Variants in CCNF observed in about 807,000 individuals in gnomAD.
CCNF encodes cyclin-F.
CCNF carries 30 observed loss-of-function variants against 85.4 expected under a neutral mutation model. The ratio of observed to expected loss-of-function variants is 0.35; its 90% confidence interval spans 0.26 to 0.48. The LOEUF is 0.48. Among genes scored for constraint, CCNF ranks in the 20% least tolerant of loss-of-function variants. The pLI, the probability that CCNF is intolerant of heterozygous loss-of-function variation, is 0.99. For synonymous variants in CCNF, 439 were observed against 425.1 expected, an observed-to-expected ratio of 1.03 and a Z score of -0.40; for missense variants, 919 against 1,010.4, an observed-to-expected ratio of 0.91 and a Z score of 1.23.
chr16:2,445,662 GCC>G, intron 10 of CCNF, 40 bp downstream of exon 10: 1 of 1,590,852 alleles, frequency 6.3e-7, no homozygotes, highest in Non-Finnish European at 8.5e-7. Context: ...GGACGTGCTG[GCC>G]TTTCCCGGGT....
chr16:2,453,612 C>G lies in CCNF; in HGVS notation c.1715+75C>G. The G allele has an allele frequency of 6.3e-7, 1 of 1,584,832 alleles. No individual in the cohort carries two copies. Among genetic ancestry groups the G allele is most frequent in the Non-Finnish European group, 8.6e-7 (1 of 1,161,364 alleles). ...GCCGGCCCAGTTCCCTCAGCGCTTC[C>G]TCACACAGAGAGGCCCCCAAGGCTT... On this transcript the variant is annotated intron_variant, in intron 15 of 16. Transcript: ENST00000397066. This position sits in a 1 kb window ranked among gnomAD's most constrained non-coding sequence, Gnocchi z 5.6.
chr16:2,432,270 T>C (rs1398835095), intron 2 of CCNF, among the ~76,000 whole-genome samples: 1 of 152,176 alleles, frequency 6.6e-6, no homozygotes, highest in African/African-American at 2.4e-5. Flanking sequence ...TTTCTAGATA[T>C]TGGAACCATA....
intron 9 of CCNF, among the ~76,000 whole-genome samples, chr16:2,444,847 C>G (rs1415722061): frequency 6.6e-6 from 1 of 151,790 alleles, no homozygotes; most frequent in Non-Finnish European, 1.5e-5. Flanking sequence ...ACCTCCTGCC[C>G]CAGCCTCCCA....
At position 2,456,426 on chromosome 16, in the gene CCNF, CAG is replaced by C. The variant is rs147276022; in HGVS notation, c.1886-118_1886-117del. ...CGCTTCTCACCACAGGAGGGTAACA[CAG>C]GGGACCGTAGCAAGGTAGAAGATTC... On this transcript the variant is annotated intron_variant, in intron 16 of 16. Coordinates refer to ENST00000397066, the MANE Select transcript of CCNF (RefSeq NM_001761.3). This position sits in a 1 kb window ranked among gnomAD's most constrained non-coding sequence, Gnocchi z 4.5. 726 of 656,344 alleles carry C rather than the reference CAG, an allele frequency of 1.1e-3. 7 individuals are homozygous for C. The highest frequency in any genetic ancestry group is 0.011 in the African/African-American group (600 of 55,100). The allele number at this position is 656,344 out of a possible 1,614,324, so 40.7% of individuals were successfully genotyped here. A position where few individuals can be genotyped will look rare whatever the true frequency, so the allele number is the denominator to read the frequency against.
In CCNF at chr16:2,453,269, G is replaced by A. The variant is rs747695958; in HGVS notation, c.1547G>A (p.Arg516Gln). The change falls in exon 14 of 17, where the codon CGG becomes CAG. Residue 516 changes from arginine to glutamine, a missense_variant. Physicochemically the swap from Arg to Gln is conservative, Grantham distance 43. Transcript: ENST00000397066. The surrounding 1 kb of genome is among the most constrained non-coding windows in gnomAD (Gnocchi z 5.6). ...GTCTCTCTGACCGCCGTGAAGCAGCGGTTTGAGGACAAGCGCTATGGAGAA... is the reference window on the plus strand; with the variant it reads ...GTCTCTCTGACCGCCGTGAAGCAGCAGTTTGAGGACAAGCGCTATGGAGAA... ...RQVSLTAVKQRFEDKRYGEIS... is the reference protein window; with the variant it reads ...RQVSLTAVKQQFEDKRYGEIS... 2.5e-6 allele frequency: 4 copies of A among 1,613,934 alleles called. No individual in the cohort carries two copies. The highest frequency in any genetic ancestry group is 1.1e-5 in the South Asian group (1 of 91,086).
In CCNF at chr16:2,441,965, A is replaced by G. The variant is rs1233838569; in HGVS notation, c.778-1684A>G. Reference sequence around the variant, plus strand: ...TATATATATATATATATATATATATATATATATATATATATATGTTTTTGT... The same window carrying G: ...TATATATATATATATATATATATATGTATATATATATATATATGTTTTTGT... On this transcript the variant is annotated intron_variant, in intron 8 of 16. Coordinates refer to ENST00000397066, the MANE Select transcript of CCNF (RefSeq NM_001761.3). Among the ~76,000 whole-genome samples, 177 of 111,748 alleles carry G rather than the reference A, an allele frequency of 1.6e-3. 1 individual carries two copies. The highest frequency in any genetic ancestry group is 5.0e-3 in the African/African-American group (153 of 30,340). 73.3% of individuals were successfully genotyped at this position (111,748 alleles called of 152,430 possible). A position where few individuals can be genotyped will look rare whatever the true frequency, so the allele number is the denominator to read the frequency against.
chr16:2,449,766 C>T (rs972790321), intron 12 of CCNF, 62 bp from the exon 13 acceptor site: 4 of 859,918 alleles, frequency 4.7e-6, no homozygotes, highest in Non-Finnish European at 7.8e-6. Flanking sequence ...ACAGCCCCTC[C>T]GTCCCCTCCA....
rs748529790 is a variant in CCNF at position 2,445,667 on chromosome 16, T to C, written c.1094+45T>C. The C allele has an allele frequency of 9.5e-6, 15 of 1,582,340 alleles. No individual in the cohort carries two copies. In the African/African-American group the frequency reaches 1.9e-4, roughly 20 times the overall value. ...CAGCTGGCAGGGACGTGCTGGCCTT[T>C]CCCGGGTTCAGGGTCACCTGCCCTT... On this transcript the variant is annotated intron_variant, in intron 10 of 16. Transcript: ENST00000397066.
In CCNF at chr16:2,439,773, C is replaced by CA. The variant is rs745923617; in HGVS notation, c.725dup (p.His242GlnfsTer40). 6.2e-7 allele frequency: 1 copy of CA among 1,614,158 alleles called. No homozygotes were observed. The highest frequency in any genetic ancestry group is 1.1e-5 in the South Asian group (1 of 91,082). On this transcript the variant is annotated frameshift_variant, in exon 8 of 17. Coordinates refer to ENST00000397066, the MANE Select transcript of CCNF (RefSeq NM_001761.3). LOFTEE classifies it high-confidence loss of function. ...GGTGTCAGATCCTGGGCGATGCCTCCACAGCTTCCGAAAACTCAGGGACTA... is the reference window on the plus strand; with the variant it reads ...GGTGTCAGATCCTGGGCGATGCCTCCAACAGCTTCCGAAAACTCAGGGACTA...
Position 2,437,334 on chromosome 16 carries a change from C to A in CCNF, c.540+12C>A. On this transcript the variant is annotated intron_variant, in intron 5 of 16. Transcript: ENST00000397066. Reference sequence around the variant, plus strand: ...GCCAGCTGCAGAGGGTGAGTCTGGGCGAGGGGCAGCACCTGCGAGGCCACC... The same window carrying A: ...GCCAGCTGCAGAGGGTGAGTCTGGGAGAGGGGCAGCACCTGCGAGGCCACC... The A allele has an allele frequency of 6.4e-7, 1 of 1,564,872 alleles. No homozygotes were observed. The highest frequency in any genetic ancestry group is 8.7e-7 in the Non-Finnish European group (1 of 1,154,878).
intron 15 of CCNF, among the ~76,000 whole-genome samples, chr16:2,454,160 T>C (rs1234155412): frequency 6.6e-6 from 1 of 152,126 alleles, no homozygotes; most frequent in Non-Finnish European, 1.5e-5. Context: ...GGCTGGGTCT[T>C]TCCTGTCAAT....
intron 7 of CCNF, 112 bp downstream of exon 7, chr16:2,439,569 C>G: frequency 1.1e-6 from 1 of 938,606 alleles, no homozygotes. Flanking sequence ...TTGCTGCTCC[C>G]GGTCTCTCAG....
chr16:2,432,215 A>C (rs1032656360), intron 2 of CCNF, among the ~76,000 whole-genome samples: 1 of 152,244 alleles, frequency 6.6e-6, no homozygotes, highest in Non-Finnish European at 1.5e-5. Flanking sequence ...TCTTGAGGAC[A>C]AATTCCATGT....
chr16:2,442,749 A>T (rs1239592849), intron 8 of CCNF, among the ~76,000 whole-genome samples: 1 of 25,930 alleles, frequency 3.9e-5, no homozygotes, highest in South Asian at 1.3e-3. Context: ...ATTATATAAT[A>T]ATTATAATAA....
intron 11 of CCNF, 56 bp downstream of exon 11, chr16:2,449,034 G>A: frequency 7.2e-7 from 1 of 1,397,668 alleles, no homozygotes; most frequent in Non-Finnish European, 1.0e-6. Flanking sequence ...GCTGGAGGGT[G>A]GGGGTGGGCA....
chr16:2,453,584 C>A lies in CCNF; in HGVS notation c.1715+47C>A. 6.2e-7 allele frequency: 1 copy of A among 1,609,896 alleles called. No homozygotes were observed. ...CTGCGCCATACAATGCTGGCATCCT[C>A]GTGCCGGCCCAGTTCCCTCAGCGCT... On this transcript the variant is annotated intron_variant, in intron 15 of 16. Transcript: ENST00000397066. This position sits in a 1 kb window ranked among gnomAD's most constrained non-coding sequence, Gnocchi z 5.6.
rs1180782401 is a variant in CCNF, at chr16:2,458,836, T to C, written c.*1816T>C. 1 of 152,180 alleles carries C rather than the reference T, an allele frequency of 6.6e-6. No individual in the cohort carries two copies. The highest frequency in any genetic ancestry group is 1.5e-5 in the Non-Finnish European group (1 of 68,052). 9.4% of individuals were successfully genotyped at this position (152,180 alleles called of 1,614,324 possible). Reference sequence around the variant, plus strand: ...TCACAGGGGTGTTGTGAGGATTAAATGTGAGGAGGATAGTGGCAGATGAGT... The same window carrying C: ...TCACAGGGGTGTTGTGAGGATTAAACGTGAGGAGGATAGTGGCAGATGAGT... On this transcript the variant is annotated 3_prime_UTR_variant, in exon 17 of 17. Coordinates refer to ENST00000397066, the MANE Select transcript of CCNF (RefSeq NM_001761.3).
intron 9 of CCNF, 67 bp downstream of exon 9, chr16:2,443,867 C>T: frequency 6.7e-7 from 1 of 1,492,008 alleles, no homozygotes; most frequent in Non-Finnish European, 9.3e-7. Context: ...GGAAGGGAGC[C>T]CTTTCCACTT....
At position 2,453,725 on chromosome 16, in the gene CCNF, C is replaced by T. The variant is rs1003494507; in HGVS notation, c.1715+188C>T. Among the ~76,000 whole-genome samples the T allele has an allele frequency of 3.9e-5, 6 of 152,214 alleles. No homozygotes were observed. Among genetic ancestry groups the T allele is most frequent in the Non-Finnish European group, 8.8e-5 (6 of 68,046 alleles). ...GGCCCCTGCGTAACCTCCACTGTCT[C>T]CAGCCCAGGTCTCCTTCCTCAGAGG... On this transcript the variant is annotated intron_variant, in intron 15 of 16. Coordinates refer to ENST00000397066, the MANE Select transcript of CCNF (RefSeq NM_001761.3). The surrounding 1 kb of genome is among the most constrained non-coding windows in gnomAD (Gnocchi z 5.6).
Sources: gnomAD v4.1 joint callset for allele counts (sites outside exome capture counted in the v4.1 genomes callset) on GRCh38, gnomAD v4.1.1 for gene constraint, Gnocchi (gnomAD v3.1) non-coding constraint, MANE v1.5 for transcripts, NCBI Gene and HGNC (gene_info 2026-07-23, HGNC 2026-07-21) for gene names.